The following THADA variants were observed in gnomAD, a reference collection of about 807,000 sequenced individuals.
The protein encoded by THADA is THADA armadillo repeat containing.
Under a neutral mutation model 219.8 loss-of-function variants are expected in THADA, and 213 were observed. The observed-to-expected ratio is 0.97, with a 90% confidence interval of 0.87 to 1.09. The LOEUF (loss-of-function observed/expected upper bound fraction) is 1.09, where lower values mean the gene tolerates loss of function less well. Ranked by LOEUF, THADA falls within the 50% of genes least tolerant of loss-of-function variation. THADA has a pLI of 0.00. For synonymous variants in THADA, 1,018 were observed against 828.9 expected, an observed-to-expected ratio of 1.23 and a Z score of -3.92; for missense variants, 2,956 against 2,311.3, an observed-to-expected ratio of 1.28 and a Z score of -5.72.
intron 29 of THADA, among the ~76,000 whole-genome samples, chr2:43,371,611 C>T (rs1221796468): frequency 6.6e-6 from 1 of 152,120 alleles, no homozygotes; most frequent in Admixed American, 6.5e-5. Flanking sequence ...TTCTTTTTCA[C>T]AAAGGGGAGA....
At chr2:43,340,317 C>G (rs1203332281) in intron 30 of THADA, among the ~76,000 whole-genome samples, 1 of 152,306 alleles carries the variant, frequency 6.6e-6, no homozygotes, top group East Asian at 1.9e-4. Flanking sequence ...ACCAAAAATT[C>G]CCCAACAACT....
chr2:43,400,482 T>TATATATATATATATATATAC (rs1553427586), intron 28 of THADA, among the ~76,000 whole-genome samples: 1 of 146,722 alleles, frequency 6.8e-6, no homozygotes. Context: ...TATATAAATA[T>TATATATATATATATATATAC]ATACACTAAG....
chr2:43,463,183 T>C (rs1429257386), intron 26 of THADA: 2 of 152,236 alleles, frequency 1.3e-5, no homozygotes, highest in African/African-American at 2.4e-5. Flanking sequence ...TCATTCATAA[T>C]TACTTGATTT....
At position 43,297,623 on chromosome 2, in the gene THADA, GC is replaced by G. The variant is rs1253060473; in HGVS notation, c.4439-4411del. On this transcript the variant is annotated intron_variant, in intron 31 of 37. Transcript: ENST00000405975. ...GGGGGGTCAGCCCCCCGCCCGGCCA[GC>G]CCCCCCGTCCGGGAGGTGAGGGGCG... is the stretch of plus-strand genomic sequence containing the variant. Among the ~76,000 whole-genome samples, 24 of 102,344 alleles carry G rather than the reference GC, an allele frequency of 2.3e-4. 2 individuals are homozygous for G. The highest frequency in any genetic ancestry group is 3.3e-4 in the Non-Finnish European group (17 of 51,510). The allele number at this position is 102,344 out of a possible 152,430, so 67.1% of individuals were successfully genotyped here.
chr2:43,345,313 T>A (rs899224804), intron 29 of THADA, among the ~76,000 whole-genome samples: 1 of 152,210 alleles, frequency 6.6e-6, no homozygotes, highest in African/African-American at 2.4e-5. Flanking sequence ...TCCAGAGTCA[T>A]CAGACCCTAA....
At position 43,325,715 on chromosome 2, in the gene THADA, C is replaced by T. The variant is rs1387951503; in HGVS notation, c.4344-5175G>A. Among the ~76,000 whole-genome samples, 3 of 152,184 alleles carry T rather than the reference C, an allele frequency of 2.0e-5. No homozygotes were observed. In the East Asian group the frequency reaches 5.8e-4, roughly 29 times the overall value. On this transcript the variant is annotated intron_variant, in intron 30 of 37. Coordinates refer to ENST00000405975, the MANE Select transcript of THADA (RefSeq NM_022065.5). ...AGAGGGCAGGAGATTTAAAGAAGTTCAGAGATTTCCCAAGGGATTGTTTCA... is the reference window on the plus strand; with the variant it reads ...AGAGGGCAGGAGATTTAAAGAAGTTTAGAGATTTCCCAAGGGATTGTTTCA...
chr2:43,243,882 C>T (rs1386219132), intron 36 of THADA, among the ~76,000 whole-genome samples: 1 of 152,196 alleles, frequency 6.6e-6, no homozygotes, highest in Non-Finnish European at 1.5e-5. Context: ...CCAAAGAATA[C>T]AAACTCCACA....
intron 1 of THADA, among the ~76,000 whole-genome samples, chr2:43,593,527 A>C (rs998224408): frequency 2.6e-5 from 4 of 152,210 alleles, no homozygotes; most frequent in Non-Finnish European, 4.4e-5. Flanking sequence ...TCAGTTAACC[A>C]AAGGTGTTTG....
chr2:43,488,312 T>A (rs1687162244), intron 25 of THADA, among the ~76,000 whole-genome samples: 1 of 152,234 alleles, frequency 6.6e-6, no homozygotes, highest in Non-Finnish European at 1.5e-5. Flanking sequence ...TACCTCAAAA[T>A]GAAACTCGGG....
intron 22 of THADA, among the ~76,000 whole-genome samples, chr2:43,527,639 C>T (rs1002796322): frequency 6.6e-6 from 1 of 151,870 alleles, no homozygotes; most frequent in Non-Finnish European, 1.5e-5. Flanking sequence ...TTAGCAAAAT[C>T]TTTGAGTTTG....
Position 43,566,824 on chromosome 2 carries a change from TAAAAAA to T in THADA, c.2188-9_2188-4del. 1.7e-6 allele frequency: 2 copies of T among 1,204,136 alleles called. No individual in the cohort carries two copies. The highest frequency in any genetic ancestry group is 2.2e-6 in the Non-Finnish European group (2 of 920,572). The allele number at this position is 1,204,136 out of a possible 1,614,324, so 74.6% of individuals were successfully genotyped here. ...TTACAAATGGATGACATGAAATTCTTAAAAAAAAAAAAAAAATTACAGTAAGTATAA... is the reference window on the plus strand; with the variant it reads ...TTACAAATGGATGACATGAAATTCTTAAAAAAAAAATTACAGTAAGTATAA... On this transcript the variant is annotated splice_region_variant and splice_polypyrimidine_tract_variant and intron_variant, in intron 14 of 37. Coordinates refer to ENST00000405975, the MANE Select transcript of THADA (RefSeq NM_022065.5).
At chr2:43,350,599 T>C in intron 29 of THADA, among the ~76,000 whole-genome samples, 1 of 152,234 alleles carries the variant, frequency 6.6e-6, no homozygotes, top group African/African-American at 2.4e-5. Context: ...TTATATCATC[T>C]GTTCAGAGCT....
rs1463005245 is a variant in THADA, at chr2:43,232,791, G to A, written c.5388C>T (p.Ala1796=). Residue 1796 remains alanine, a synonymous_variant, in exon 37 of 38, where the codon GCC becomes GCT. Transcript: ENST00000405975. ...CDLLQQWDQL[A]PGLPILLGWL... is the part of the protein sequence containing the mutation. The stretch of plus-strand genomic sequence containing the variant: ...ATCCCAGCAGGATGGGCAGTCCAGG[G>A]GCCAACTGGTCCCACTGCTGGAGCA... 3 of 1,613,382 alleles carry A rather than the reference G, an allele frequency of 1.9e-6. No homozygotes were observed. Among genetic ancestry groups the A allele is most frequent in the East Asian group, 2.2e-5 (1 of 44,870 alleles).
At chr2:43,504,706 C>T (rs1296294694) in intron 24 of THADA, among the ~76,000 whole-genome samples, 1 of 152,006 alleles carries the variant, frequency 6.6e-6, no homozygotes, top group African/African-American at 2.4e-5. Context: ...GGTGATTGGG[C>T]CTGGTCTCAA....
intron 30 of THADA, among the ~76,000 whole-genome samples, chr2:43,334,699 T>C (rs560294732): frequency 7.3e-5 from 11 of 150,924 alleles, no homozygotes; most frequent in African/African-American, 1.9e-4. Flanking sequence ...GGCGTGAACC[T>C]GGGAGGCGGA....
intron 29 of THADA, among the ~76,000 whole-genome samples, chr2:43,346,200 A>T (rs895290274): frequency 6.6e-6 from 1 of 152,338 alleles, no homozygotes; most frequent in Non-Finnish European, 1.5e-5. Flanking sequence ...GAGAAAGGAA[A>T]GAAAGTTTTA....
At chr2:43,435,000 A>G (rs1015298737) in intron 26 of THADA, among the ~76,000 whole-genome samples, 7 of 152,296 alleles carry the variant, frequency 4.6e-5, no homozygotes, top group African/African-American at 1.7e-4. Flanking sequence ...GTTCCCCTAC[A>G]GGTTTGAGCA....
intron 29 of THADA, 139 bp downstream of exon 29, chr2:43,397,832 T>C: frequency 2.6e-6 from 2 of 766,288 alleles, no homozygotes; most frequent in East Asian, 5.2e-5. Context: ...ATACCTGATC[T>C]TTCGGAAGTA....
At chr2:43,581,387 C>T (rs539862612) in intron 8 of THADA, among the ~76,000 whole-genome samples, 2 of 151,946 alleles carry the variant, frequency 1.3e-5, no homozygotes, top group Admixed American at 1.3e-4. Flanking sequence ...AAAAATTAGT[C>T]AGGTGTGGTG....
Sources: gnomAD v4.1 joint callset for allele counts (sites outside exome capture counted in the v4.1 genomes callset) on GRCh38, gnomAD v4.1.1 for gene constraint, MANE v1.5 for transcripts, NCBI Gene and HGNC (gene_info 2026-07-23, HGNC 2026-07-21) for gene names.